The following RCSD1 variants were observed in gnomAD, a reference collection of about 807,000 sequenced individuals.
The protein encoded by RCSD1 is RCSD domain containing 1, also known as capZ-interacting protein.
RCSD1 carries 26 observed loss-of-function variants against 42.5 expected under a neutral mutation model. The ratio of observed to expected loss-of-function variants is 0.61; its 90% CI spans 0.45 to 0.85. RCSD1 has a LOEUF of 0.85. Among genes scored for constraint, RCSD1 ranks in the 40% least tolerant of loss-of-function variants. The probability of loss-of-function intolerance (pLI) is 0.00; values close to 1 mark genes in which losing one functional copy is unlikely to be tolerated. For synonymous variants in RCSD1, 220 were observed against 212.2 expected (o/e 1.04, Z -0.32); for missense variants, 571 against 528.3 (o/e 1.08, Z -0.79).
chr1:167,676,743 C>A (rs890142709), intron 1 of RCSD1, among the ~76,000 whole-genome samples: 1 of 152,194 alleles, frequency 6.6e-6, no homozygotes, highest in African/African-American at 2.4e-5. Flanking sequence ...AACCCACAGA[C>A]CCCCACCTGG....
Position 167,698,868 on chromosome 1 carries a change from C to T in RCSD1, c.1218+1026C>T, listed in dbSNP as rs1033963230. 2.8e-4 allele frequency among the ~76,000 whole-genome samples: 43 copies of T among 151,960 alleles called. 1 individual carries two copies. Among genetic ancestry groups the T allele is most frequent in the African/African-American group, 9.2e-4 (38 of 41,426 alleles). ...AGGCTGGAGTGCAGTGGCGGGATCT[C>T]GGCTCACTGCAAGCTCCGCCTCCCG... On this transcript the variant is annotated intron_variant, in intron 6 of 6. Transcript: ENST00000367854.
intron 1 of RCSD1, among the ~76,000 whole-genome samples, chr1:167,634,035 A>G (rs1657768115): frequency 6.6e-6 from 1 of 152,246 alleles, no homozygotes. Context: ...TTGAGTCTCC[A>G]GAATGAGCAC....
chr1:167,692,728 C>T (rs1021016484), intron 4 of RCSD1, among the ~76,000 whole-genome samples: 1 of 152,138 alleles, frequency 6.6e-6, no homozygotes, highest in African/African-American at 2.4e-5. Context: ...ATATACTGAA[C>T]TCTTACCATG....
At chr1:167,658,137 T>A (rs563060690) in intron 1 of RCSD1, among the ~76,000 whole-genome samples, 1 of 152,204 alleles carries the variant, frequency 6.6e-6, no homozygotes, top group African/African-American at 2.4e-5. Flanking sequence ...CACACTGGGT[T>A]TATGCAGCAG....
chr1:167,630,342 G>T lies in RCSD1; in HGVS notation c.-82G>T. 1 of 1,340,848 alleles carries T rather than the reference G, an allele frequency of 7.5e-7. No individual in the cohort carries two copies. The highest frequency in any genetic ancestry group is 1.9e-5 in the South Asian group (1 of 51,516). The allele number at this position is 1,340,848 out of a possible 1,614,324, so 83.1% of individuals were successfully genotyped here. On this transcript the variant is annotated 5_prime_UTR_variant, in exon 1 of 7. Transcript: ENST00000367854. ...CCGCAGCCCGAAACTGGCCACGGCC[G>T]GGAGCGGAGGGGACAGCGGGGATCG...
Position 167,676,977 on chromosome 1 carries a change from C to T in RCSD1, c.7-6923C>T, listed in dbSNP as rs1321374013. Reference sequence around the variant, plus strand: ...GTCCTTTGTGTGAGTGGAGCACCTCCTGGGATTCTCCCTGGGAGCCAGTTG... The same window carrying T: ...GTCCTTTGTGTGAGTGGAGCACCTCTTGGGATTCTCCCTGGGAGCCAGTTG... On this transcript the variant is annotated intron_variant, in intron 1 of 6. Coordinates refer to ENST00000367854, the MANE Select transcript of RCSD1 (RefSeq NM_052862.4). Among the ~76,000 whole-genome samples, 4 of 152,216 alleles carry T rather than the reference C, an allele frequency of 2.6e-5. No individual in the cohort carries two copies. In the South Asian group the frequency reaches 6.2e-4, roughly 24 times the overall value.
intron 1 of RCSD1, among the ~76,000 whole-genome samples, chr1:167,662,048 G>T (rs918002246): frequency 7.9e-5 from 12 of 152,108 alleles, no homozygotes; most frequent in African/African-American, 2.9e-4. Context: ...TCACCCTAGG[G>T]GATTAGTGAA....
At chr1:167,677,259 A>T (rs907698598) in intron 1 of RCSD1, among the ~76,000 whole-genome samples, 17 of 152,180 alleles carry the variant, frequency 1.1e-4, no homozygotes, top group African/African-American at 4.1e-4. Flanking sequence ...GTGTCTACAG[A>T]TGCTCAGGAA....
intron 1 of RCSD1, among the ~76,000 whole-genome samples, chr1:167,648,268 A>C (rs1658214268): frequency 6.6e-6 from 1 of 152,244 alleles, no homozygotes; most frequent in Admixed American, 6.5e-5. Flanking sequence ...CCTTATTACA[A>C]ATAACATAGC....
At chr1:167,691,122 T>C (rs1431158682) in intron 4 of RCSD1, among the ~76,000 whole-genome samples, 1 of 152,198 alleles carries the variant, frequency 6.6e-6, no homozygotes, top group Non-Finnish European at 1.5e-5. Flanking sequence ...ATAGTGTTGT[T>C]GCAGGGGCTG....
intron 6 of RCSD1, among the ~76,000 whole-genome samples, chr1:167,701,312 C>CTTTA (rs1659636888): frequency 1.1e-4 from 15 of 137,838 alleles, no homozygotes; most frequent in Admixed American, 1.0e-3. Context: ...TTCTTTCTTT[C>CTTTA]TTTCTTTTTT....
chr1:167,660,375 G>C (rs569224227), intron 1 of RCSD1, among the ~76,000 whole-genome samples: 1 of 151,972 alleles, frequency 6.6e-6, no homozygotes, highest in East Asian at 1.9e-4. Context: ...TGGGCCCATA[G>C]CCACAGCCAC....
At chr1:167,702,024 G>A (rs1010886606) in intron 6 of RCSD1, among the ~76,000 whole-genome samples, 3 of 152,142 alleles carry the variant, frequency 2.0e-5, no homozygotes, top group African/African-American at 7.2e-5. Flanking sequence ...GAAATAGATT[G>A]ATCAGACAAA....
chr1:167,643,282 G>A (rs1359696475), intron 1 of RCSD1, among the ~76,000 whole-genome samples: 1 of 152,210 alleles, frequency 6.6e-6, no homozygotes, highest in Non-Finnish European at 1.5e-5. Flanking sequence ...GGCGCTCTCT[G>A]TGCCTAGTGG....
At chr1:167,689,765 A>C (rs1659331225) in intron 3 of RCSD1, among the ~76,000 whole-genome samples, 1 of 152,148 alleles carries the variant, frequency 6.6e-6, no homozygotes, top group Non-Finnish European at 1.5e-5. Flanking sequence ...GTTTTCCTTC[A>C]TAACAACAAT....
chr1:167,630,297 G>T lies in RCSD1; in HGVS notation c.-127G>T. 1 of 1,029,988 alleles carries T rather than the reference G, an allele frequency of 9.7e-7. No individual in the cohort carries two copies. Among genetic ancestry groups the T allele is most frequent in the Non-Finnish European group, 1.2e-6 (1 of 810,976 alleles). The allele number at this position is 1,029,988 out of a possible 1,614,324, so 63.8% of individuals were successfully genotyped here. ...CGAGCGCAGCCGGGCGCGCGCCACC[G>T]CCCACTCGCCCTGTGCCCGCCGCAG... is the stretch of plus-strand genomic sequence containing the variant. On this transcript the variant is annotated 5_prime_UTR_variant, in exon 1 of 7. Transcript: ENST00000367854.
chr1:167,697,978 G>C, intron 6 of RCSD1, 136 bp downstream of exon 6: 3 of 1,140,766 alleles, frequency 2.6e-6, no homozygotes, highest in South Asian at 3.5e-5. Context: ...CTCCTGCCTC[G>C]TGCCAACTTG....
At position 167,651,299 on chromosome 1, in the gene RCSD1, C is replaced by T. The variant is rs201986897; in HGVS notation, c.6+20870C>T. Among the ~76,000 whole-genome samples the T allele has an allele frequency of 1.7e-4, 26 of 152,218 alleles. No individual in the cohort carries two copies. The East Asian group carries it at 4.8e-3, about 28-fold the overall frequency. On this transcript the variant is annotated intron_variant, in intron 1 of 6. Transcript: ENST00000367854. ...AGAATGGAAAAGTCACAGCAGAAGT[C>T]ACCACACCTAACCACAGAATGCCAC...
chr1:167,680,629 C>A (rs557866964), intron 1 of RCSD1, among the ~76,000 whole-genome samples: 3 of 152,150 alleles, frequency 2.0e-5, no homozygotes, highest in East Asian at 1.9e-4. Context: ...CATAGGCACA[C>A]GCCACCACAC....
Sources: gnomAD v4.1 joint callset for allele counts (sites outside exome capture counted in the v4.1 genomes callset) on GRCh38, gnomAD v4.1.1 for gene constraint, MANE v1.5 for transcripts, NCBI Gene and HGNC (gene_info 2026-07-23, HGNC 2026-07-21) for gene names.